MCTP1: variants seen among roughly 807,000 people sequenced by gnomAD.
MCTP1 encodes the protein multiple C2 and transmembrane domain-containing protein 1.
A neutral mutation model predicts 120.6 loss-of-function variants in MCTP1; 69 were observed. That is an observed-to-expected ratio of 0.57 (90% CI 0.47 to 0.70). MCTP1 has a LOEUF of 0.70. Among genes scored for constraint, MCTP1 ranks in the 30% least tolerant of loss-of-function variants. The pLI is 0.00. For synonymous variants in MCTP1, 529 were observed against 493.1 expected (o/e 1.07, Z -0.96); for missense variants, 1,203 against 1,248.8 (o/e 0.96, Z 0.55).
intron 1 of MCTP1, among the ~76,000 whole-genome samples, chr5:95,063,175 C>T (rs1234759517): frequency 6.6e-6 from 1 of 152,242 alleles, no homozygotes; most frequent in Admixed American, 6.5e-5. Flanking sequence ...CAAATTTCCC[C>T]AACACTGATA....
intron 1 of MCTP1, among the ~76,000 whole-genome samples, chr5:95,161,214 G>A (rs999547196): frequency 4.6e-5 from 7 of 152,092 alleles, no homozygotes; most frequent in African/African-American, 9.7e-5. Flanking sequence ...TCAGATGCAC[G>A]GATAAAGGAA....
At chr5:94,829,276 G>GCTCGCCCTCTGTGGGCTTCACC (rs1787974687) in intron 17 of MCTP1, among the ~76,000 whole-genome samples, 1 of 152,120 alleles carries the variant, frequency 6.6e-6, no homozygotes, top group Non-Finnish European at 1.5e-5. Context: ...CCCTGCTTCA[G>GCTCGCCCTCTGTGGGCTTCACC]CTCGCCCTCT....
At chr5:94,947,579 G>A (rs634003) in intron 3 of MCTP1, among the ~76,000 whole-genome samples, 3 of 27,216 alleles carry the variant, frequency 1.1e-4, no homozygotes, top group East Asian at 9.3e-4. Context: ...TATATATATA[G>A]AGAGAGAGAG....
In MCTP1 at chr5:95,182,907, T is replaced by A. The variant is rs1748767088; in HGVS notation, c.720+100949A>T. On this transcript the variant is annotated intron_variant, in intron 1 of 22. Transcript: ENST00000515393. ...CGGACATGGTGGCGGGTGCCTGTAATCCCAGCTACTCAGGAGGCTGAGGCA... is the reference window on the plus strand; with the variant it reads ...CGGACATGGTGGCGGGTGCCTGTAAACCCAGCTACTCAGGAGGCTGAGGCA... Among the ~76,000 whole-genome samples, 3 of 151,370 alleles carry A rather than the reference T, an allele frequency of 2.0e-5. No homozygotes were observed. The South Asian group carries it at 6.2e-4, about 32-fold the overall frequency.
intron 19 of MCTP1, among the ~76,000 whole-genome samples, chr5:94,740,772 A>G (rs1014910958): frequency 6.6e-6 from 1 of 152,170 alleles, no homozygotes; most frequent in Admixed American, 6.5e-5. Context: ...CTGGACTTTT[A>G]TGCTCTTGAG....
At chr5:95,152,253 A>G (rs765735160) in intron 1 of MCTP1, among the ~76,000 whole-genome samples, 2 of 152,230 alleles carry the variant, frequency 1.3e-5, no homozygotes, top group Non-Finnish European at 2.9e-5. Context: ...TGATCAAAAC[A>G]CCAGGATCAT....
intron 1 of MCTP1, among the ~76,000 whole-genome samples, chr5:95,229,581 T>C (rs1211276112): frequency 6.6e-6 from 1 of 151,980 alleles, no homozygotes; most frequent in African/African-American, 2.4e-5. Flanking sequence ...ACCCCATCTC[T>C]ACTAAAAATA....
intron 17 of MCTP1, among the ~76,000 whole-genome samples, chr5:94,837,154 G>A (rs972440822): frequency 4.6e-5 from 7 of 152,076 alleles, no homozygotes; most frequent in Non-Finnish European, 5.9e-5. Flanking sequence ...AAGGTGGGAG[G>A]ATCACTTGAG....
chr5:94,754,850 C>T (rs1477196294), intron 19 of MCTP1, among the ~76,000 whole-genome samples: 1 of 152,210 alleles, frequency 6.6e-6, no homozygotes, highest in African/African-American at 2.4e-5. Context: ...CCCAGCCCAT[C>T]CATTCGGTTC....
rs1289837457 is a variant in MCTP1 at position 94,811,913 on chromosome 5, G to A, written c.2437-12781C>T. Among the ~76,000 whole-genome samples the A allele has an allele frequency of 3.3e-5, 5 of 152,114 alleles. 1 individual carries two copies. The highest frequency in any genetic ancestry group is 1.9e-4 in the East Asian group (1 of 5,198). ...TTCACTTCATTGACATGGAGATGCC[G>A]AGATGTATTATCTTTCAGGCATTTT... is the stretch of plus-strand genomic sequence containing the variant. On this transcript the variant is annotated intron_variant, in intron 17 of 22. Coordinates refer to ENST00000515393, the MANE Select transcript of MCTP1 (RefSeq NM_024717.7).
At chr5:94,932,932 G>A (rs996125953) in intron 5 of MCTP1, among the ~76,000 whole-genome samples, 1 of 151,934 alleles carries the variant, frequency 6.6e-6, no homozygotes, top group South Asian at 2.1e-4. Flanking sequence ...ACTATTCATG[G>A]ATTAGAATAA....
At chr5:95,013,933 T>C (rs1836553224) in intron 2 of MCTP1, among the ~76,000 whole-genome samples, 1 of 151,980 alleles carries the variant, frequency 6.6e-6, no homozygotes, top group Admixed American at 6.6e-5. Context: ...ATTGCAAACC[T>C]TCTGGAAAGG....
At chr5:94,824,351 G>A (rs1274487769) in intron 17 of MCTP1, among the ~76,000 whole-genome samples, 1 of 152,150 alleles carries the variant, frequency 6.6e-6, no homozygotes, top group Admixed American at 6.5e-5. Flanking sequence ...TACGTTTATT[G>A]ATCTGCATAT....
intron 2 of MCTP1, among the ~76,000 whole-genome samples, chr5:95,004,156 C>G (rs1022477451): frequency 2.0e-5 from 3 of 152,152 alleles, no homozygotes; most frequent in African/African-American, 7.2e-5. Flanking sequence ...CTGTGGAATT[C>G]TGAACTTGAG....
chr5:94,727,178 C>A (rs1029566382), intron 19 of MCTP1, among the ~76,000 whole-genome samples: 2 of 152,170 alleles, frequency 1.3e-5, no homozygotes, highest in Admixed American at 1.3e-4. Context: ...ATAGACAAAA[C>A]AGCACAGGAA....
At chr5:94,994,842 G>A (rs1832297904) in intron 2 of MCTP1, among the ~76,000 whole-genome samples, 1 of 152,174 alleles carries the variant, frequency 6.6e-6, no homozygotes, top group Non-Finnish European at 1.5e-5. Context: ...GTCTGGGTAA[G>A]TCTTCTGGCC....
intron 7 of MCTP1, among the ~76,000 whole-genome samples, chr5:94,922,039 GGGC>G (rs1811786991): frequency 6.6e-6 from 1 of 152,132 alleles, no homozygotes; most frequent in Non-Finnish European, 1.5e-5. Flanking sequence ...TCAGTGTGAT[GGGC>G]CTTACTTTCC....
chr5:94,920,388 C>T (rs115425047), intron 7 of MCTP1, among the ~76,000 whole-genome samples: 354 of 151,506 alleles, frequency 2.3e-3, no homozygotes, highest in African/African-American at 8.2e-3. Flanking sequence ...TGGATGTTAC[C>T]TATGGTTGAG....
chr5:95,172,695 T>C (rs1747476446), intron 1 of MCTP1, among the ~76,000 whole-genome samples: 1 of 152,186 alleles, frequency 6.6e-6, no homozygotes, highest in African/African-American at 2.4e-5. Context: ...GTTCATAATA[T>C]ATGCACAATA....
Sources: gnomAD v4.1 joint callset for allele counts (sites outside exome capture counted in the v4.1 genomes callset) on GRCh38, gnomAD v4.1.1 for gene constraint, MANE v1.5 for transcripts, NCBI Gene and HGNC (gene_info 2026-07-23, HGNC 2026-07-21) for gene names.